The following CSMD1 variants were observed in gnomAD, a reference collection of about 807,000 sequenced individuals.
CSMD1 encodes CUB and sushi domain-containing protein 1.
A neutral mutation model predicts 417.5 loss-of-function variants in CSMD1; 213 were observed. The observed-to-expected ratio is 0.51, with a 90% CI of 0.46 to 0.57. The LOEUF (loss-of-function observed/expected upper bound fraction) is 0.57. CSMD1 is among the 20% of genes least tolerant of loss of function. CSMD1 has a pLI of 0.00. For missense variants in CSMD1, 6,923 were observed against 4,529.7 expected, an observed-to-expected ratio of 1.53 and a Z score of -15.17; for synonymous variants, 2,862 against 1,736.8, an observed-to-expected ratio of 1.65 and a Z score of -16.11.
At chr8:3,083,974 T>G (rs1814332927) in intron 49 of CSMD1, among the ~76,000 whole-genome samples, 1 of 152,050 alleles carries the variant, frequency 6.6e-6, no homozygotes, top group Non-Finnish European at 1.5e-5. Context: ...TACATTCTAT[T>G]TTTCGTTATT....
rs567885227 is a variant in CSMD1, at chr8:3,928,838, G to A, written c.818+69065C>T. ...AGCGATTCCACCTACCCCAGGTCAT[G>A]CTGTCACTATACAAGGGTAGGAGAA... On this transcript the variant is annotated intron_variant, in intron 5 of 69. Coordinates refer to ENST00000635120, the MANE Select transcript of CSMD1 (RefSeq NM_033225.6). Among the ~76,000 whole-genome samples, 11 of 120,170 alleles carry A rather than the reference G, an allele frequency of 9.2e-5. 1 individual carries two copies. The East Asian group carries it at 3.1e-3, about 34-fold the overall frequency. 78.8% of individuals were successfully genotyped at this position (120,170 alleles called of 152,430 possible). A position where few individuals can be genotyped will look rare whatever the true frequency, so the allele number is the denominator to read the frequency against.
intron 1 of CSMD1, among the ~76,000 whole-genome samples, chr8:4,810,780 T>G (rs755062439): frequency 1.8e-4 from 28 of 152,176 alleles, no homozygotes; most frequent in Admixed American, 3.3e-4. Flanking sequence ...AGAAAGTGCC[T>G]CGCATATCAC....
Position 2,949,324 on chromosome 8 carries a change from A to C in CSMD1, c.10377T>G (p.Phe3459Leu). 6.2e-7 allele frequency: 1 copy of C among 1,607,542 alleles called. No homozygotes were observed. Residue 3459 changes from phenylalanine to leucine, a missense_variant, in exon 68 of 70, where the codon TTT becomes TTG. By Grantham distance (22) the Phe-to-Leu change is conservative (BLOSUM62 0). Coordinates refer to ENST00000635120, the MANE Select transcript of CSMD1 (RefSeq NM_033225.6). Reference protein sequence around the residue: ...TFQGDIHGKDFGKFKLERQDP... With the variant: ...TFQGDIHGKDLGKFKLERQDP... ...CTTGCCTTTCTAGCTTAAATTTTCC[A>C]AAGTCTTTTCCATGAATGTCACCTT... is the stretch of plus-strand genomic sequence containing the variant.
intron 46 of CSMD1, among the ~76,000 whole-genome samples, chr8:3,097,584 C>T (rs1262277950): frequency 6.6e-6 from 1 of 152,178 alleles, no homozygotes; most frequent in Non-Finnish European, 1.5e-5. Flanking sequence ...CTGGACAAAG[C>T]TGGGATTCAT....
intron 5 of CSMD1, among the ~76,000 whole-genome samples, chr8:3,995,911 C>G (rs1436340671): frequency 1.3e-5 from 2 of 152,176 alleles, no homozygotes; most frequent in Admixed American, 6.5e-5. Flanking sequence ...CTAGCAAATA[C>G]AGAGAGAGAT....
chr8:4,771,827 A>G (rs367963848), intron 1 of CSMD1, among the ~76,000 whole-genome samples: 38 of 152,074 alleles, frequency 2.5e-4, no homozygotes, highest in East Asian at 2.1e-3. Context: ...TCCATCAACG[A>G]TACCTTTTCT....
At chr8:3,054,239 T>C (rs534474844) in intron 49 of CSMD1, among the ~76,000 whole-genome samples, 1 of 152,212 alleles carries the variant, frequency 6.6e-6, no homozygotes, top group Admixed American at 6.5e-5. Context: ...AGAAAATGTA[T>C]TCCCCAATAA....
intron 5 of CSMD1, among the ~76,000 whole-genome samples, chr8:3,884,312 T>C (rs1018522706): frequency 6.6e-6 from 1 of 152,196 alleles, no homozygotes; most frequent in Non-Finnish European, 1.5e-5. Context: ...TAAAACATTA[T>C]ATGTGCAATA....
intron 3 of CSMD1, among the ~76,000 whole-genome samples, chr8:4,402,867 T>A (rs1046430448): frequency 1.4e-5 from 2 of 138,178 alleles, no homozygotes; most frequent in African/African-American, 2.8e-5. Context: ...GTTGCCAGGC[T>A]GGAGTGCAGC....
chr8:4,089,547 T>G (rs910448790), intron 3 of CSMD1, among the ~76,000 whole-genome samples: 1 of 152,118 alleles, frequency 6.6e-6, no homozygotes, highest in Non-Finnish European at 1.5e-5. Context: ...TTAACACAAT[T>G]TGGATTCTGA....
At chr8:4,105,073 A>T (rs558249259) in intron 3 of CSMD1, among the ~76,000 whole-genome samples, 4 of 152,334 alleles carry the variant, frequency 2.6e-5, no homozygotes, top group South Asian at 4.1e-4. Context: ...AATGAAATTT[A>T]AAGTAAAGAC....
intron 3 of CSMD1, among the ~76,000 whole-genome samples, chr8:4,074,299 A>T (rs960311709): frequency 6.6e-6 from 1 of 152,148 alleles, no homozygotes; most frequent in African/African-American, 2.4e-5. Context: ...CTAAACAATG[A>T]AAGAAAATAA....
intron 49 of CSMD1, among the ~76,000 whole-genome samples, chr8:3,070,467 CT>C (rs1338589004): frequency 1.3e-5 from 2 of 152,160 alleles, no homozygotes; most frequent in Non-Finnish European, 2.9e-5. Flanking sequence ...GAATGTTTTG[CT>C]GCTTTGAAAT....
intron 2 of CSMD1, among the ~76,000 whole-genome samples, chr8:4,475,154 C>T (rs1341570523): frequency 6.6e-6 from 1 of 152,076 alleles, no homozygotes; most frequent in Non-Finnish European, 1.5e-5. Context: ...TTAAGCAAGC[C>T]TATTGATATG....
At chr8:3,925,904 C>G (rs945235544) in intron 5 of CSMD1, among the ~76,000 whole-genome samples, 1 of 151,884 alleles carries the variant, frequency 6.6e-6, no homozygotes, top group African/African-American at 2.4e-5. Flanking sequence ...TATATACTAT[C>G]TGCATAACAA....
intron 1 of CSMD1, among the ~76,000 whole-genome samples, chr8:4,776,848 T>C (rs759377439): frequency 6.6e-6 from 1 of 152,216 alleles, no homozygotes; most frequent in Non-Finnish European, 1.5e-5. Flanking sequence ...TTCTGGAGCT[T>C]CCATAAATTA....
At chr8:4,688,384 C>T (rs1387150412) in intron 1 of CSMD1, among the ~76,000 whole-genome samples, 1 of 152,066 alleles carries the variant, frequency 6.6e-6, no homozygotes, top group African/African-American at 2.4e-5. Flanking sequence ...TCAGGTTGAG[C>T]GTGGCCTAAT....
At chr8:3,533,100 C>G (rs1355623365) in intron 10 of CSMD1, among the ~76,000 whole-genome samples, 1 of 152,146 alleles carries the variant, frequency 6.6e-6, no homozygotes, top group Admixed American at 6.5e-5. Context: ...CCATCACCAT[C>G]TTGGCATGAA....
intron 5 of CSMD1, among the ~76,000 whole-genome samples, chr8:3,931,725 G>C (rs1023118079): frequency 6.7e-6 from 1 of 148,958 alleles, no homozygotes; most frequent in African/African-American, 2.5e-5. Context: ...GCATTACAAG[G>C]CTTTAATCTC....
Sources: allele counts gnomAD v4.1 joint callset (sites outside exome capture counted in the v4.1 genomes callset), GRCh38; gene constraint gnomAD v4.1.1; transcripts MANE v1.5; gene names NCBI Gene and HGNC (gene_info 2026-07-23, HGNC 2026-07-21).